The following GEN1 variants were observed in gnomAD, a reference collection of about 807,000 sequenced individuals.
GEN1 encodes flap endonuclease GEN homolog 1.
GEN1 carries 64 observed loss-of-function variants against 67.6 expected under a neutral mutation model. The observed-to-expected ratio is 0.95, with a 90% CI of 0.77 to 1.17. The LOEUF (loss-of-function observed/expected upper bound fraction) is 1.17, where lower values mean the gene tolerates loss of function less well. Ranked by LOEUF, GEN1 falls within the 50% of genes most tolerant of loss-of-function variation. The pLI, the probability that GEN1 is intolerant of heterozygous loss-of-function variation, is 0.00. For synonymous variants in GEN1, 371 were observed against 359.4 expected, an observed-to-expected ratio of 1.03 and a Z score of -0.37; for missense variants, 1,058 against 1,048.3, an observed-to-expected ratio of 1.01 and a Z score of -0.13.
intron 8 of GEN1, 30 bp from the exon 9 acceptor site, chr2:17,773,066 G>A (rs751605938): frequency 1.3e-5 from 19 of 1,425,098 alleles, no homozygotes; most frequent in Non-Finnish European, 6.9e-6. Flanking sequence ...TCTGATTATA[G>A]TAATAACATG....
chr2:17,753,683 C>T (rs1353365704), upstream of GEN1: 3 of 152,230 alleles, frequency 2.0e-5, no homozygotes, highest in African/African-American at 7.2e-5. Flanking sequence ...CGTGGTACGA[C>T]CGGCCGCTAA....
At position 17,788,869 on chromosome 2, in the gene GEN1, G is replaced by T. The variant is rs1281713921; in HGVS notation, c.*6930G>T. 6.6e-6 allele frequency: 1 copy of T among 152,224 alleles called. No homozygotes were observed. Among genetic ancestry groups the T allele is most frequent in the Non-Finnish European group, 1.5e-5 (1 of 68,046 alleles). 9.4% of individuals were successfully genotyped at this position (152,224 alleles called of 1,614,324 possible). Reference sequence around the variant, plus strand: ...GCCTTTTAGTTTTCAAGCAATACTGGTTGCAGTAACTGCTCTGATGTAATT... The same window carrying T: ...GCCTTTTAGTTTTCAAGCAATACTGTTTGCAGTAACTGCTCTGATGTAATT... On this transcript the variant is annotated 3_prime_UTR_variant, in exon 14 of 14. Coordinates refer to ENST00000381254, the MANE Select transcript of GEN1 (RefSeq NM_001130009.3).
intron 2 of GEN1, among the ~76,000 whole-genome samples, chr2:17,760,327 G>A (rs1195555057): frequency 1.4e-4 from 21 of 152,054 alleles, no homozygotes; most frequent in Non-Finnish European, 3.1e-4. Flanking sequence ...CCTACTTAAC[G>A]TATCCACTAG....
At chr2:17,775,430 T>C (rs1278970052) in intron 11 of GEN1, among the ~76,000 whole-genome samples, 1 of 152,178 alleles carries the variant, frequency 6.6e-6, no homozygotes, top group African/African-American at 2.4e-5. Context: ...AAGAAAAGGT[T>C]GAAAAGTAAT....
intron 5 of GEN1, 55 bp from the exon 6 acceptor site, chr2:17,768,683 T>G: frequency 7.8e-7 from 1 of 1,276,238 alleles, no homozygotes. Flanking sequence ...TAATATACTT[T>G]TAACCATTCC....
intron 5 of GEN1, among the ~76,000 whole-genome samples, chr2:17,767,570 A>T (rs891975573): frequency 6.6e-6 from 1 of 152,198 alleles, no homozygotes; most frequent in Non-Finnish European, 1.5e-5. Flanking sequence ...TAAATACCAC[A>T]AACCATTATT....
In GEN1 at chr2:17,764,929, C is replaced by G. The variant is rs1288646494; in HGVS notation, c.381C>G (p.Pro127=). ...ATATGCTCGAATGCTTAGGAATCCC[C>G]TGGGTTCAGGCTGCTGGGGAAGCTG... ...CLHMLECLGI[P]WVQAAGEAEA... Residue 127 remains proline (P), a synonymous_variant, in exon 4 of 14, where the codon CCC becomes CCG. Transcript: ENST00000381254. 1.9e-6 allele frequency: 3 copies of G among 1,614,064 alleles called. No individual in the cohort carries two copies. Among genetic ancestry groups the G allele is most frequent in the Non-Finnish European group, 2.5e-6 (3 of 1,179,976 alleles).
Position 17,780,675 on chromosome 2 carries a change from A to T in GEN1, c.1463A>T (p.Gln488Leu), listed in dbSNP as rs377610632. ...LPEPDEVMSFQSHMTLKPTCE... is the reference protein window; with the variant it reads ...LPEPDEVMSFLSHMTLKPTCE... The stretch of plus-strand genomic sequence containing the variant: ...GAACCAGATGAAGTAATGAGCTTTC[A>T]GTCACACATGACTTTAAAACCCACA... Residue 488 changes from glutamine (Q) to leucine (L), a missense_variant, in exon 14 of 14, where the codon CAG becomes CTG. Gln to Leu is a moderately radical substitution (Grantham distance 113). Coordinates refer to ENST00000381254, the MANE Select transcript of GEN1 (RefSeq NM_001130009.3). The T allele has an allele frequency of 6.2e-7, 1 of 1,612,212 alleles. No homozygotes were observed. Among genetic ancestry groups the T allele is most frequent in the East Asian group, 2.2e-5 (1 of 44,826 alleles).
chr2:17,756,263 T>C (rs1320922906), intron 1 of GEN1, among the ~76,000 whole-genome samples: 1 of 152,226 alleles, frequency 6.6e-6, no homozygotes, highest in Non-Finnish European at 1.5e-5. Flanking sequence ...TGTTCTGACT[T>C]TGTTGATTCA....
At chr2:17,757,064 C>A (rs547364094) in intron 1 of GEN1, among the ~76,000 whole-genome samples, 1 of 152,272 alleles carries the variant, frequency 6.6e-6, no homozygotes, top group African/African-American at 2.4e-5. Flanking sequence ...CATAATTTTC[C>A]TCTTTCAGAA....
chr2:17,764,085 G>A (rs558736631), intron 3 of GEN1, among the ~76,000 whole-genome samples: 9 of 152,256 alleles, frequency 5.9e-5, no homozygotes, highest in South Asian at 2.1e-4. Context: ...GCTACCCAGC[G>A]GGGTTAAATT....
Position 17,781,053 on chromosome 2 carries a change from T to C in GEN1, c.1841T>C (p.Val614Ala). The C allele has an allele frequency of 6.2e-7, 1 of 1,613,924 alleles. No individual in the cohort carries two copies. Among genetic ancestry groups the C allele is most frequent in the Non-Finnish European group, 8.5e-7 (1 of 1,179,846 alleles). ...TTTTCTCATGATTTAAAATCAGAAG[T>C]TGAATCAGAGCTATCAGCCATCCCT... ...NTFSHDLKSE[V>A]ESELSAIPDG... Residue 614 changes from valine (V) to alanine (A), a missense_variant, in exon 14 of 14, where the codon GTT (valine) becomes GCT (alanine). Coordinates refer to ENST00000381254, the MANE Select transcript of GEN1 (RefSeq NM_001130009.3).
chr2:17,761,863 TA>T (rs1024094088), intron 3 of GEN1, among the ~76,000 whole-genome samples: 10 of 152,100 alleles, frequency 6.6e-5, no homozygotes, highest in Non-Finnish European at 1.3e-4. Context: ...GTGATAAAAA[TA>T]AGAGAAAGTA....
chr2:17,756,837 C>G (rs1671454732), intron 1 of GEN1, among the ~76,000 whole-genome samples: 1 of 152,174 alleles, frequency 6.6e-6, no homozygotes, highest in African/African-American at 2.4e-5. Context: ...TGTAGTTGTA[C>G]TTTAATATCT....
In GEN1 at chr2:17,781,341, ACAGTGG is replaced by A; in HGVS notation, c.2130_2135del (p.Gly712_Ser713del). 1 of 1,613,896 alleles carries A rather than the reference ACAGTGG, an allele frequency of 6.2e-7. No individual in the cohort carries two copies. The highest frequency in any genetic ancestry group is 8.5e-7 in the Non-Finnish European group (1 of 1,179,814). Reference sequence around the variant, plus strand: ...AGTGTAAAAGAATCTTGTATTGCTAACAGTGGTTCTGATTGTACATCACATCTTTCA... The same window carrying A: ...AGTGTAAAAGAATCTTGTATTGCTAATTCTGATTGTACATCACATCTTTCA... On this transcript the variant is annotated inframe_deletion, in exon 14 of 14. Transcript: ENST00000381254.
intron 2 of GEN1, among the ~76,000 whole-genome samples, chr2:17,760,686 C>T (rs1477626607): frequency 6.6e-6 from 1 of 152,154 alleles, no homozygotes; most frequent in Non-Finnish European, 1.5e-5. Flanking sequence ...CTTTGGGAGG[C>T]CGAGGCAGGT....
intron 5 of GEN1, 99 bp from the exon 6 acceptor site, chr2:17,768,639 C>T: frequency 3.6e-6 from 3 of 826,238 alleles, no homozygotes; most frequent in East Asian, 2.5e-5. Context: ...GAAGAGTTAC[C>T]TCATTCTTTC....
At chr2:17,766,464 C>T in intron 4 of GEN1, 115 bp from the exon 5 acceptor site, 2 of 627,328 alleles carry the variant, frequency 3.2e-6, no homozygotes, top group Non-Finnish European at 2.7e-6. Flanking sequence ...GCCACCATGC[C>T]CAGCCTGGAA....
At chr2:17,772,835 A>G in intron 8 of GEN1, 51 bp downstream of exon 8, 1 of 1,418,028 alleles carries the variant, frequency 7.1e-7, no homozygotes, top group Non-Finnish European at 9.6e-7. Flanking sequence ...CTATACACAT[A>G]CCTTTGGTTG....
Sources: allele counts gnomAD v4.1 joint callset (sites outside exome capture counted in the v4.1 genomes callset), GRCh38; gene constraint gnomAD v4.1.1; transcripts MANE v1.5; gene names NCBI Gene and HGNC (gene_info 2026-07-23, HGNC 2026-07-21).